CPNE4: variants seen among roughly 807,000 people sequenced by gnomAD.
The protein encoded by CPNE4 is copine-4.
A neutral mutation model predicts 67.9 loss-of-function variants in CPNE4; 25 were observed. The ratio of observed to expected loss-of-function variants is 0.37; its 90% CI spans 0.27 to 0.51. The LOEUF is 0.51. CPNE4 is among the 20% of genes least tolerant of loss of function. CPNE4 has a pLI of 0.93. For missense variants in CPNE4, 464 were observed against 690.8 expected (o/e 0.67, Z 3.68); for synonymous variants, 242 against 244.9 (o/e 0.99, Z 0.11).
intron 2 of CPNE4, among the ~76,000 whole-genome samples, chr3:131,898,590 T>C (rs907848557): frequency 6.6e-6 from 1 of 152,078 alleles, no homozygotes; most frequent in Admixed American, 6.6e-5. Context: ...ACACTGAAAA[T>C]GTTGAGATTT....
intron 2 of CPNE4, among the ~76,000 whole-genome samples, chr3:131,737,445 T>C (rs2082264153): frequency 6.6e-6 from 1 of 152,192 alleles, no homozygotes; most frequent in South Asian, 2.1e-4. Context: ...ATGACATTGC[T>C]GGATCCTTCA....
intron 3 of CPNE4, among the ~76,000 whole-genome samples, chr3:131,712,979 G>A (rs1321667494): frequency 6.6e-6 from 1 of 152,194 alleles, no homozygotes; most frequent in African/African-American, 2.4e-5. Flanking sequence ...CTGAGAAACT[G>A]CCTTATGCCA....
chr3:131,671,172 T>C (rs1036072531), intron 6 of CPNE4, among the ~76,000 whole-genome samples: 17 of 152,210 alleles, frequency 1.1e-4, no homozygotes, highest in Admixed American at 5.2e-4. Flanking sequence ...TTCCTTAATA[T>C]AACTAGATCC....
At chr3:131,825,510 C>T (rs201305633) in intron 2 of CPNE4, among the ~76,000 whole-genome samples, 1 of 132,176 alleles carries the variant, frequency 7.6e-6, no homozygotes, top group East Asian at 2.3e-4. Flanking sequence ...AAAAAAAAAA[C>T]ATTGGTAACT....
intron 9 of CPNE4, among the ~76,000 whole-genome samples, chr3:131,576,893 G>A (rs1937562765): frequency 1.3e-5 from 2 of 151,990 alleles, no homozygotes; most frequent in Admixed American, 1.3e-4. Flanking sequence ...GAGAACATTG[G>A]CTTGGTGTGT....
intron 7 of CPNE4, among the ~76,000 whole-genome samples, chr3:131,603,189 G>A (rs1448370681): frequency 6.6e-6 from 1 of 152,044 alleles, no homozygotes; most frequent in Non-Finnish European, 1.5e-5. Flanking sequence ...TCTTTATTGA[G>A]TACCCACACT....
intron 1 of CPNE4, among the ~76,000 whole-genome samples, chr3:131,955,778 C>T (rs996997363): frequency 5.3e-5 from 8 of 152,070 alleles, no homozygotes; most frequent in Non-Finnish European, 1.2e-4. Flanking sequence ...TGAACTTGTA[C>T]GGAAGTGGTG....
At chr3:131,945,835 T>C (rs2071537238) in intron 1 of CPNE4, among the ~76,000 whole-genome samples, 1 of 152,110 alleles carries the variant, frequency 6.6e-6, no homozygotes, top group South Asian at 2.1e-4. Context: ...AAGATAGGAA[T>C]AGGATAATGA....
At position 131,754,440 on chromosome 3, in the gene CPNE4, GGT is replaced by G. The variant is rs111316072; in HGVS notation, c.181-30817_181-30816del. On this transcript the variant is annotated intron_variant, in intron 2 of 15. Coordinates refer to ENST00000429747, the MANE Select transcript of CPNE4 (RefSeq NM_130808.3). Reference sequence around the variant, plus strand: ...TCACAATTATATATTTATGTAAAATGGTGTGTGTGTGTGTGACTACCATGTAT... The same window carrying G: ...TCACAATTATATATTTATGTAAAATGGTGTGTGTGTGTGACTACCATGTAT... Among the ~76,000 whole-genome samples the G allele has an allele frequency of 2.7e-3, 405 of 151,294 alleles. 1 individual carries two copies. Among genetic ancestry groups the G allele is most frequent in the African/African-American group, 9.4e-3 (387 of 41,344 alleles).
intron 1 of CPNE4, among the ~76,000 whole-genome samples, chr3:131,974,082 G>A (rs935592693): frequency 3.3e-5 from 5 of 152,092 alleles, no homozygotes; most frequent in African/African-American, 1.2e-4. Context: ...TCCTGTTTGT[G>A]GTAGAAAGGA....
In CPNE4 at chr3:131,562,918, T is replaced by C. The variant is rs186486174; in HGVS notation, c.1061+1298A>G. Among the ~76,000 whole-genome samples, 13 of 152,150 alleles carry C rather than the reference T, an allele frequency of 8.5e-5. No individual in the cohort carries two copies. The East Asian group carries it at 2.3e-3, about 27-fold the overall frequency. On this transcript the variant is annotated intron_variant, in intron 11 of 15. Coordinates refer to ENST00000429747, the MANE Select transcript of CPNE4 (RefSeq NM_130808.3). ...TTTTCCTGGATGTACAGGAGAGGAATTATCAGCAAGGGCCTGAGTGTTTAA... is the reference window on the plus strand; with the variant it reads ...TTTTCCTGGATGTACAGGAGAGGAACTATCAGCAAGGGCCTGAGTGTTTAA...
intron 2 of CPNE4, among the ~76,000 whole-genome samples, chr3:131,837,876 T>C (rs1344822087): frequency 1.3e-5 from 2 of 152,034 alleles, no homozygotes; most frequent in African/African-American, 4.8e-5. Context: ...TTCTGTAATA[T>C]ATTTTTAAGA....
chr3:131,746,091 GTA>G (rs2082481013), intron 2 of CPNE4, among the ~76,000 whole-genome samples: 1 of 151,866 alleles, frequency 6.6e-6, no homozygotes, highest in Non-Finnish European at 1.5e-5. Context: ...TTCAAGTTCT[GTA>G]TATGTTTTCT....
intron 5 of CPNE4, among the ~76,000 whole-genome samples, chr3:131,688,770 GA>G (rs1212843229): frequency 2.6e-5 from 4 of 151,530 alleles, no homozygotes; most frequent in African/African-American, 9.7e-5. Context: ...TAAAAAGAAG[GA>G]AAAAAGAACC....
intron 3 of CPNE4, among the ~76,000 whole-genome samples, chr3:131,716,906 T>C (rs1193861075): frequency 6.6e-6 from 1 of 152,204 alleles, no homozygotes; most frequent in Non-Finnish European, 1.5e-5. Context: ...ACGTCAGCAC[T>C]AGGAAACAGT....
chr3:131,747,708 A>G (rs1029002794), intron 2 of CPNE4, among the ~76,000 whole-genome samples: 3 of 152,116 alleles, frequency 2.0e-5, no homozygotes, highest in African/African-American at 7.2e-5. Context: ...TAGAAATGCA[A>G]CTGACTTTGC....
chr3:131,983,934 A>G (rs550632314), intron 1 of CPNE4, among the ~76,000 whole-genome samples: 6 of 152,302 alleles, frequency 3.9e-5, no homozygotes, highest in African/African-American at 1.4e-4. Flanking sequence ...AGTGCTGTGG[A>G]TATGGGAGAA....
chr3:131,564,729 T>G lies in CPNE4; in HGVS notation c.928-380A>C, dbSNP rs140256736. On this transcript the variant is annotated intron_variant, in intron 10 of 15. Coordinates refer to ENST00000429747, the MANE Select transcript of CPNE4 (RefSeq NM_130808.3). ...CTTCTACACTCCCTGGGCAGAACAA[T>G]TCCATCTACGCGGCATAGGTAAGAT... Among the ~76,000 whole-genome samples the G allele has an allele frequency of 3.7e-4, 57 of 152,110 alleles. 1 individual carries two copies. Among genetic ancestry groups the G allele is most frequent in the African/African-American group, 1.2e-3 (48 of 41,540 alleles).
At chr3:131,995,416 A>G (rs2073266269) in intron 1 of CPNE4, among the ~76,000 whole-genome samples, 1 of 152,116 alleles carries the variant, frequency 6.6e-6, no homozygotes, top group African/African-American at 2.4e-5. Flanking sequence ...TTTGCTTCCC[A>G]GTATCCAAGT....
Sources: gnomAD v4.1 joint callset for allele counts (sites outside exome capture counted in the v4.1 genomes callset) on GRCh38, gnomAD v4.1.1 for gene constraint, MANE v1.5 for transcripts, NCBI Gene and HGNC (gene_info 2026-07-23, HGNC 2026-07-21) for gene names.